The following COP1 variants were observed in gnomAD, a reference collection of about 807,000 sequenced individuals.
COP1 encodes E3 ubiquitin-protein ligase COP1.
COP1 carries 24 observed loss-of-function variants against 101.3 expected under a neutral mutation model. The observed-to-expected ratio is 0.24, with a 90% CI of 0.17 to 0.33. The LOEUF is 0.33. Ranked by LOEUF, COP1 falls within the 10% of genes least tolerant of loss-of-function variation. The pLI is 1.00. For missense variants in COP1, 663 were observed against 906.2 expected, an observed-to-expected ratio of 0.73 and a Z score of 3.45; for synonymous variants, 347 against 341.9, an observed-to-expected ratio of 1.01 and a Z score of -0.17.
chr1:176,187,289 C>T (rs1166469554), intron 1 of COP1, among the ~76,000 whole-genome samples: 2 of 151,876 alleles, frequency 1.3e-5, no homozygotes, highest in Non-Finnish European at 2.9e-5. Context: ...CCACATGTAG[C>T]TCATATATAT....
At chr1:176,073,830 T>C (rs968360833) in intron 11 of COP1, among the ~76,000 whole-genome samples, 1 of 152,244 alleles carries the variant, frequency 6.6e-6, no homozygotes, top group Non-Finnish European at 1.5e-5. Flanking sequence ...ATCACTGCAG[T>C]AAGTGACCAA....
At chr1:176,191,111 T>C (rs1429007810) in intron 1 of COP1, among the ~76,000 whole-genome samples, 2 of 152,038 alleles carry the variant, frequency 1.3e-5, no homozygotes, top group Non-Finnish European at 2.9e-5. Context: ...CCTTTTTACA[T>C]GCATTATATA....
intron 8 of COP1, among the ~76,000 whole-genome samples, chr1:176,128,386 GTGTT>G (rs1688384910): frequency 1.3e-5 from 2 of 151,988 alleles, no homozygotes; most frequent in African/African-American, 2.4e-5. Flanking sequence ...CCTGTGTTTT[GTGTT>G]TGTTTTTGTT....
chr1:175,984,456 A>C (rs955589787), intron 18 of COP1, among the ~76,000 whole-genome samples: 5 of 152,212 alleles, frequency 3.3e-5, no homozygotes, highest in African/African-American at 4.8e-5. Context: ...CTGGCTATCC[A>C]GGCAGAAGTT....
intron 11 of COP1, among the ~76,000 whole-genome samples, chr1:176,052,908 TTGTCTCCAA>T (rs1425077366): frequency 6.6e-6 from 1 of 152,198 alleles, no homozygotes; most frequent in Non-Finnish European, 1.5e-5. Flanking sequence ...AACCTCATTT[TTGTCTCCAA>T]TGGTTGCACA....
intron 19 of COP1, among the ~76,000 whole-genome samples, chr1:175,945,640 C>T (rs537645883): frequency 6.6e-6 from 1 of 152,300 alleles, no homozygotes; most frequent in Admixed American, 6.5e-5. Flanking sequence ...AATCATCTAG[C>T]GTCCAGATAC....
intron 11 of COP1, among the ~76,000 whole-genome samples, chr1:176,076,051 C>T (rs186634871): frequency 2.2e-4 from 33 of 148,468 alleles, no homozygotes; most frequent in African/African-American, 7.2e-4. Flanking sequence ...ACCCCACTCA[C>T]ACCATTAGAC....
intron 18 of COP1, among the ~76,000 whole-genome samples, chr1:175,949,149 C>A (rs1482668222): frequency 1.9e-5 from 2 of 103,446 alleles, no homozygotes; most frequent in African/African-American, 7.6e-5. Flanking sequence ...GCTGGAGAGA[C>A]TCCAGCAAGG....
chr1:176,054,456 C>T lies in COP1; in HGVS notation c.1278-8132G>A, dbSNP rs568250348. 3.9e-5 allele frequency among the ~76,000 whole-genome samples: 6 copies of T among 152,116 alleles called. No individual in the cohort carries two copies. The East Asian group carries it at 1.2e-3, about 29-fold the overall frequency. ...GGATTACAGGAATGACCCACTGCAC[C>T]CGGCCAAATTACTCTGTTTTTAAGT... On this transcript the variant is annotated intron_variant, in intron 11 of 19. Transcript: ENST00000367669.
intron 1 of COP1, among the ~76,000 whole-genome samples, chr1:176,202,200 T>C (rs909695124): frequency 1.3e-5 from 2 of 149,872 alleles, no homozygotes; most frequent in African/African-American, 4.9e-5. Flanking sequence ...TTTTTTTTTT[T>C]TTTTTTGGAG....
intron 18 of COP1, among the ~76,000 whole-genome samples, chr1:175,969,413 G>A (rs1652802376): frequency 6.6e-6 from 1 of 152,128 alleles, no homozygotes; most frequent in African/African-American, 2.4e-5. Flanking sequence ...CAGGTCATAA[G>A]ACTCTCATTC....
At chr1:176,197,734 A>G (rs890415979) in intron 1 of COP1, among the ~76,000 whole-genome samples, 15 of 152,248 alleles carry the variant, frequency 9.9e-5, no homozygotes, top group Middle Eastern at 3.2e-3. Context: ...GTAAAAGTAT[A>G]TTCATATACA....
intron 1 of COP1, among the ~76,000 whole-genome samples, chr1:176,190,746 T>C (rs1158916409): frequency 6.6e-6 from 1 of 151,996 alleles, no homozygotes; most frequent in African/African-American, 2.4e-5. Flanking sequence ...ATTTAATAAG[T>C]ACTTACAAAG....
rs1648983691 is a variant in COP1, at chr1:175,945,010, AAAG to A, written c.*140_*142del. Reference sequence around the variant, plus strand: ...AGGTCATAAAGGAGGGAAAAGAAAAAAAGAAAAAAATATTCAAAACAAATCCAA... The same window carrying A: ...AGGTCATAAAGGAGGGAAAAGAAAAAAAAAAAATATTCAAAACAAATCCAA... On this transcript the variant is annotated 3_prime_UTR_variant, in exon 20 of 20. Coordinates refer to ENST00000367669, the MANE Select transcript of COP1 (RefSeq NM_022457.7). 1.4e-6 allele frequency: 1 copy of A among 709,786 alleles called. No individual in the cohort carries two copies. The highest frequency in any genetic ancestry group is 2.4e-6 in the Non-Finnish European group (1 of 419,700). 44.0% of individuals were successfully genotyped at this position (709,786 alleles called of 1,614,324 possible). A position where few individuals can be genotyped will look rare whatever the true frequency, so the allele number is the denominator to read the frequency against.
intron 1 of COP1, among the ~76,000 whole-genome samples, chr1:176,200,878 TA>T (rs1558307212): frequency 6.6e-6 from 1 of 152,092 alleles, no homozygotes; most frequent in Non-Finnish European, 1.5e-5. Context: ...ACATCACATA[TA>T]AAAACAGATC....
chr1:175,965,056 C>A (rs1324409691), intron 18 of COP1, among the ~76,000 whole-genome samples: 34 of 151,916 alleles, frequency 2.2e-4, no homozygotes, highest in Non-Finnish European at 2.9e-5. Context: ...TTTTTCATAC[C>A]AAGATTATAA....
chr1:175,991,195 A>G (rs931257426), intron 15 of COP1, among the ~76,000 whole-genome samples: 3 of 152,182 alleles, frequency 2.0e-5, no homozygotes, highest in African/African-American at 7.2e-5. Flanking sequence ...GTGAGCATAC[A>G]GTGTACTTTC....
chr1:176,204,429 C>T (rs1173636867), intron 1 of COP1, among the ~76,000 whole-genome samples: 1 of 151,736 alleles, frequency 6.6e-6, no homozygotes, highest in African/African-American at 2.4e-5. Flanking sequence ...GCATACAAGA[C>T]AAGACCCACA....
At chr1:176,015,389 C>T (rs947005363) in intron 15 of COP1, among the ~76,000 whole-genome samples, 5 of 151,904 alleles carry the variant, frequency 3.3e-5, no homozygotes, top group Non-Finnish European at 7.4e-5. Flanking sequence ...CAATTAACAA[C>T]GACAAGGTCT....
Sources: gnomAD v4.1 joint callset for allele counts (sites outside exome capture counted in the v4.1 genomes callset) on GRCh38, gnomAD v4.1.1 for gene constraint, MANE v1.5 for transcripts, NCBI Gene and HGNC (gene_info 2026-07-23, HGNC 2026-07-21) for gene names.